The following DIS3 variants were observed in gnomAD, a reference collection of about 807,000 sequenced individuals.
DIS3 encodes the protein exosome complex exonuclease RRP44.
A neutral mutation model predicts 113.0 loss-of-function variants in DIS3; 103 were observed. The ratio of observed to expected loss-of-function variants is 0.91; its 90% CI spans 0.78 to 1.07. DIS3 has a LOEUF of 1.07. DIS3 is among the 50% of genes least tolerant of loss of function. The pLI is 0.00. For missense variants in DIS3, 1,121 were observed against 1,167.1 expected, an observed-to-expected ratio of 0.96 and a Z score of 0.58; for synonymous variants, 402 against 394.3, an observed-to-expected ratio of 1.02 and a Z score of -0.23.
chr13:72,767,431 T>A (rs2033776962), intron 14 of DIS3, among the ~76,000 whole-genome samples: 1 of 152,216 alleles, frequency 6.6e-6, no homozygotes, highest in Non-Finnish European at 1.5e-5. Context: ...ATCTTCTTCT[T>A]ATATACAAGT....
At chr13:72,778,112 T>A in intron 3 of DIS3, 75 bp downstream of exon 3, 1 of 1,258,352 alleles carries the variant, frequency 7.9e-7, no homozygotes, top group Non-Finnish European at 1.1e-6. Context: ...AAAGTGAACA[T>A]CTGACTATAG....
intron 11 of DIS3, 78 bp from the exon 12 acceptor site, chr13:72,771,223 ATTAAT>A: frequency 8.7e-7 from 1 of 1,148,374 alleles, no homozygotes; most frequent in South Asian, 1.4e-5. Context: ...CTCAAATAAC[ATTAAT>A]TAAACAAGGA....
At chr13:72,779,719 C>T (rs12867130) in intron 2 of DIS3, among the ~76,000 whole-genome samples, 12,079 of 148,958 alleles carry the variant, frequency 0.081, 683 homozygotes, top group South Asian at 0.19. Context: ...GAATTCACCC[C>T]TCAGGGCATT....
chr13:72,773,716 C>A lies in DIS3; in HGVS notation c.1207G>T (p.Asp403Tyr). ...LEGRRIIVAIDGWPRNSRYPN... is the reference protein window; with the variant it reads ...LEGRRIIVAIYGWPRNSRYPN... ...TATCTGGAATTTCTGGGCCAACCAT[C>A]AATAGCAACAATAATTCTCCGTCCT... The change falls in exon 8 of 21, where the codon GAT becomes TAT. Residue 403 changes from aspartate to tyrosine, a missense_variant. Coordinates refer to ENST00000377767, the MANE Select transcript of DIS3 (RefSeq NM_014953.5). The A allele has an allele frequency of 6.2e-7, 1 of 1,612,644 alleles. No homozygotes were observed. Among genetic ancestry groups the A allele is most frequent in the Non-Finnish European group, 8.5e-7 (1 of 1,179,692 alleles).
At chr13:72,771,973 A>T in intron 10 of DIS3, 77 bp from the exon 11 acceptor site, 1 of 1,490,512 alleles carries the variant, frequency 6.7e-7, no homozygotes, top group East Asian at 2.3e-5. Flanking sequence ...AATAAGATAA[A>T]GTTTAGCTAA....
Position 72,780,926 on chromosome 13 carries a change from A to G in DIS3, c.306T>C (p.Ser102=), listed in dbSNP as rs1268789228. 1 of 1,613,374 alleles carries G rather than the reference A, an allele frequency of 6.2e-7. No individual in the cohort carries two copies. Among genetic ancestry groups the G allele is most frequent in the Non-Finnish European group, 8.5e-7 (1 of 1,179,900 alleles). Residue 102 remains serine (S), a synonymous_variant, in exon 2 of 21, where the codon AGT becomes AGC. Coordinates refer to ENST00000377767, the MANE Select transcript of DIS3 (RefSeq NM_014953.5). ...QTVLQEVRNR[S]APVYKRIRDV... ...CTCGGATGCGTTTATATACGGGGGC[A>G]CTGCGATTTCTCACTTCTTGAAGAA... is the stretch of plus-strand genomic sequence containing the variant.
At chr13:72,770,446 G>A (rs985942212) in intron 13 of DIS3, among the ~76,000 whole-genome samples, 2 of 152,130 alleles carry the variant, frequency 1.3e-5, no homozygotes, top group South Asian at 4.1e-4. Context: ...CATCTAGCTT[G>A]ACTGAAAAAT....
Position 72,763,610 on chromosome 13 carries a change from G to A in DIS3, c.1971-3C>T, listed in dbSNP as rs1364163704. On this transcript the variant is annotated splice_polypyrimidine_tract_variant and splice_region_variant and intron_variant, in intron 15 of 20. Coordinates refer to ENST00000377767, the MANE Select transcript of DIS3 (RefSeq NM_014953.5). ...CTTCAACCATGGAATTTGTTTCCCT[G>A]CCAATGGAAAAAGCATTAAACAAAC... The A allele has an allele frequency of 1.9e-6, 3 of 1,607,138 alleles. No homozygotes were observed. Among genetic ancestry groups the A allele is most frequent in the Non-Finnish European group, 2.5e-6 (3 of 1,177,872 alleles).
At position 72,772,857 on chromosome 13, in the gene DIS3, T is replaced by C; in HGVS notation, c.1240-18A>G. On this transcript the variant is annotated intron_variant, in intron 8 of 20. Transcript: ENST00000377767. The stretch of plus-strand genomic sequence containing the variant: ...AAGTGTCCCTGAAACCAAGAGGCAT[T>C]ATTAGAAACGCCTATTTTATAGCAA... The C allele has an allele frequency of 6.4e-7, 1 of 1,571,662 alleles. No homozygotes were observed. The highest frequency in any genetic ancestry group is 8.6e-7 in the Non-Finnish European group (1 of 1,163,578).
intron 2 of DIS3, among the ~76,000 whole-genome samples, 160 bp downstream of exon 2, chr13:72,780,686 A>C (rs2034162353): frequency 6.6e-6 from 1 of 152,146 alleles, no homozygotes; most frequent in South Asian, 2.1e-4. Context: ...CCTTAGAGAG[A>C]TCCACTTAGC....
At chr13:72,777,003 C>A (rs1156915811) in intron 4 of DIS3, among the ~76,000 whole-genome samples, 1 of 152,162 alleles carries the variant, frequency 6.6e-6, no homozygotes, top group Non-Finnish European at 1.5e-5. Context: ...TCAGGGAGAT[C>A]TTTATAAATC....
At chr13:72,777,194 C>T (rs924299064) in intron 4 of DIS3, among the ~76,000 whole-genome samples, 1 of 152,158 alleles carries the variant, frequency 6.6e-6, no homozygotes, top group African/African-American at 2.4e-5. Context: ...CTACCAGGTA[C>T]CAGGCCCTAC....
chr13:72,773,946 C>A lies in DIS3; in HGVS notation c.1101G>T (p.Glu367Asp). 6.2e-7 allele frequency: 1 copy of A among 1,602,954 alleles called. No homozygotes were observed. Among genetic ancestry groups the A allele is most frequent in the South Asian group, 1.1e-5 (1 of 88,784 alleles). Residue 367 changes from glutamate (E) to aspartate (D), a missense_variant and splice_region_variant, in exon 7 of 21, where the codon GAG (glutamate) becomes GAT (aspartate). Physicochemically the swap from Glu to Asp is conservative, Grantham distance 45. This residue lies in a region of DIS3 where 861 missense variants were observed against 915.5 expected (regional missense o/e 0.94). Transcript: ENST00000377767. ...CGMLSKSDIK[E>D]SRRHLFTPAD... ...TACATAGTAAATGCTCTTTACTCAC[C>A]TCCTTAATGTCAGACTTGGAAAGCA...
chr13:72,763,667 T>A, intron 15 of DIS3, 60 bp from the exon 16 acceptor site: 7 of 1,496,916 alleles, frequency 4.7e-6, no homozygotes, highest in Non-Finnish European at 4.5e-6. Context: ...CTATATATCA[T>A]ATTTTTTCAC....
Position 72,755,896 on chromosome 13 carries a change from G to C in DIS3, c.*3899C>G, listed in dbSNP as rs1454066693. The C allele has an allele frequency of 1.5e-5, 6 of 398,460 alleles. No individual in the cohort carries two copies. Among genetic ancestry groups the C allele is most frequent in the African/African-American group, 1.2e-4 (6 of 48,606 alleles). The allele number at this position is 398,460 out of a possible 1,614,324, so 24.7% of individuals were successfully genotyped here. On this transcript the variant is annotated 3_prime_UTR_variant, in exon 21 of 21. Coordinates refer to ENST00000377767, the MANE Select transcript of DIS3 (RefSeq NM_014953.5). ...TAAAATATACCTCATGCCTAGGGTAGGGACATCCTTTCCAGCTCAAACGTG... is the reference window on the plus strand; with the variant it reads ...TAAAATATACCTCATGCCTAGGGTACGGACATCCTTTCCAGCTCAAACGTG...
chr13:72,775,869 A>G, intron 5 of DIS3, 56 bp downstream of exon 5: 1 of 1,387,646 alleles, frequency 7.2e-7, no homozygotes, highest in Non-Finnish European at 9.8e-7. Context: ...AAGTGTTCAT[A>G]ATATATAAAA....
At chr13:72,763,273 CCA>C (rs1277544767) in intron 16 of DIS3, among the ~76,000 whole-genome samples, 176 bp downstream of exon 16, 3 of 151,646 alleles carry the variant, frequency 2.0e-5, no homozygotes, top group Non-Finnish European at 4.4e-5. Flanking sequence ...CCACTGCACT[CCA>C]GTCTGGGTGA....
In DIS3 at chr13:72,771,840, A is replaced by T. The variant is rs1429758465; in HGVS notation, c.1560T>A (p.Asp520Glu). 6.2e-7 allele frequency: 1 copy of T among 1,613,794 alleles called. No individual in the cohort carries two copies. Among genetic ancestry groups the T allele is most frequent in the Middle Eastern group, 1.7e-4 (1 of 6,054 alleles). ...TTGTTCCTCTTCTGGCTGATTCTTGATCCAAGGCATTTCCTGGCCTAATAA... is the reference window on the plus strand; with the variant it reads ...TTGTTCCTCTTCTGGCTGATTCTTGTTCCAAGGCATTTCCTGGCCTAATAA... ...SHFIRPGNAL[D>E]QESARRGTTV... Residue 520 changes from aspartate to glutamate, a missense_variant, in exon 11 of 21, where the codon GAT becomes GAA. Physicochemically the swap from Asp to Glu is conservative, Grantham distance 45. This residue lies in a region of DIS3 where 861 missense variants were observed against 915.5 expected (regional missense o/e 0.94). Transcript: ENST00000377767.
At position 72,755,445 on chromosome 13, in the gene DIS3, A is replaced by C. The variant is rs563383105; in HGVS notation, c.*4350T>G. ...ATTTTTTATCAATAAATATTTTTAT[A>C]CTTACATTGAGTGATGTGTTTAACA... On this transcript the variant is annotated 3_prime_UTR_variant, in exon 21 of 21. Coordinates refer to ENST00000377767, the MANE Select transcript of DIS3 (RefSeq NM_014953.5). The C allele has an allele frequency of 4.0e-6, 2 of 501,612 alleles. No individual in the cohort carries two copies. The highest frequency in any genetic ancestry group is 3.5e-5 in the Admixed American group (1 of 28,390). 31.1% of individuals were successfully genotyped at this position (501,612 alleles called of 1,614,324 possible). A position where few individuals can be genotyped will look rare whatever the true frequency, so the allele number is the denominator to read the frequency against.
Sources: allele counts gnomAD v4.1 joint callset (sites outside exome capture counted in the v4.1 genomes callset), GRCh38; gene constraint gnomAD v4.1.1; regional missense constraint gnomAD v4.1.1; transcripts MANE v1.5; gene names NCBI Gene and HGNC (gene_info 2026-07-23, HGNC 2026-07-21).